Variants in MKX observed in about 807,000 individuals in gnomAD.
MKX encodes the protein homeobox protein Mohawk.
In MKX, 13 loss-of-function variants were observed where a neutral mutation model predicts 36.0. That is an observed-to-expected ratio of 0.36 (90% CI 0.24 to 0.57). The LOEUF (loss-of-function observed/expected upper bound fraction) is 0.57, where lower values mean the gene tolerates loss of function less well. Among genes scored for constraint, MKX ranks in the 20% least tolerant of loss-of-function variants. MKX has a pLI of 0.79. For missense variants in MKX, 458 were observed against 456.4 expected (o/e 1.00, Z -0.03); for synonymous variants, 176 against 178.3 (o/e 0.99, Z 0.10).
Position 27,741,569 on chromosome 10 carries a change from C to G in MKX, c.189-65G>C, listed in dbSNP as rs776179542. 153 of 1,498,186 alleles carry G rather than the reference C, an allele frequency of 1.0e-4. No individual in the cohort carries two copies. The highest frequency in any genetic ancestry group is 1.6e-4 in the Admixed American group (7 of 42,698). 92.8% of individuals were successfully genotyped at this position (1,498,186 alleles called of 1,614,324 possible). A position where few individuals can be genotyped will look rare whatever the true frequency, so the allele number is the denominator to read the frequency against. ...CGTTTGCCCGCCCGGACGCTCCACGCCCCGGCCAAGCCCGGGCCCCGCATC... is the reference window on the plus strand; with the variant it reads ...CGTTTGCCCGCCCGGACGCTCCACGGCCCGGCCAAGCCCGGGCCCCGCATC... On this transcript the variant is annotated intron_variant, in intron 2 of 6. Coordinates refer to ENST00000419761, the MANE Select transcript of MKX (RefSeq NM_173576.3). The surrounding 1 kb of genome is among the most constrained non-coding windows in gnomAD (Gnocchi z 5.1).
rs1462102786 is a variant in MKX, at chr10:27,744,616, T to A, written c.-83+1091A>T. Among the ~76,000 whole-genome samples the A allele has an allele frequency of 6.6e-6, 1 of 151,954 alleles. No homozygotes were observed. Among genetic ancestry groups the A allele is most frequent in the Non-Finnish European group, 1.5e-5 (1 of 67,980 alleles). Reference sequence around the variant, plus strand: ...GCCTCGCGCCTCGGGACAGCTCCCGTTTCCTCCGAGCGGCCTCAGCTTCGC... The same window carrying A: ...GCCTCGCGCCTCGGGACAGCTCCCGATTCCTCCGAGCGGCCTCAGCTTCGC... On this transcript the variant is annotated intron_variant, in intron 1 of 6. Transcript: ENST00000419761. The surrounding 1 kb of genome is among the most constrained non-coding windows in gnomAD (Gnocchi z 5.6).
At chr10:27,701,299 G>C (rs76204010) in intron 5 of MKX, among the ~76,000 whole-genome samples, 3 of 149,666 alleles carry the variant, frequency 2.0e-5, no homozygotes, top group South Asian at 2.1e-4. Flanking sequence ...TGCACATCAC[G>C]GCACGCAGCG....
At chr10:27,727,014 T>C (rs1257551125) in intron 5 of MKX, among the ~76,000 whole-genome samples, 1 of 152,230 alleles carries the variant, frequency 6.6e-6, no homozygotes, top group Non-Finnish European at 1.5e-5. Flanking sequence ...AATATATATA[T>C]ACAAGGCAGT....
chr10:27,735,669 T>C (rs115584359), intron 3 of MKX, among the ~76,000 whole-genome samples: 1 of 152,026 alleles, frequency 6.6e-6, no homozygotes, highest in Non-Finnish European at 1.5e-5. Flanking sequence ...AAATAACTAG[T>C]ATAAGAAAGA....
rs1262931652 is a variant in MKX at position 27,742,238 on chromosome 10, G to A, written c.189-734C>T. On this transcript the variant is annotated intron_variant, in intron 2 of 6. Transcript: ENST00000419761. This position sits in a 1 kb window ranked among gnomAD's most constrained non-coding sequence, Gnocchi z 4.2. ...TTCAAAGGGGGAGGAGGCAGAGGCAGCCAGGAGCCTGGAGCGTGGCCTGGG... is the reference window on the plus strand; with the variant it reads ...TTCAAAGGGGGAGGAGGCAGAGGCAACCAGGAGCCTGGAGCGTGGCCTGGG... 6.6e-6 allele frequency among the ~76,000 whole-genome samples: 1 copy of A among 152,186 alleles called. No individual in the cohort carries two copies. Among genetic ancestry groups the A allele is most frequent in the African/African-American group, 2.4e-5 (1 of 41,472 alleles).
intron 5 of MKX, among the ~76,000 whole-genome samples, chr10:27,719,386 A>G (rs997306730): frequency 1.3e-5 from 2 of 152,146 alleles, no homozygotes; most frequent in African/African-American, 4.8e-5. Context: ...CAGTTACGAG[A>G]CAGCTGTCAG....
At chr10:27,727,167 C>T (rs1834509375) in intron 5 of MKX, among the ~76,000 whole-genome samples, 1 of 152,206 alleles carries the variant, frequency 6.6e-6, no homozygotes, top group Non-Finnish European at 1.5e-5. Flanking sequence ...GAAGCAAACA[C>T]AACCCTAAAA....
intron 5 of MKX, among the ~76,000 whole-genome samples, chr10:27,730,175 C>G (rs1180710487): frequency 6.6e-6 from 1 of 152,148 alleles, no homozygotes; most frequent in African/African-American, 2.4e-5. Context: ...TAACTCTGAT[C>G]AATTGCAATG....
intron 5 of MKX, among the ~76,000 whole-genome samples, chr10:27,733,546 T>C (rs185453725): frequency 1.3e-5 from 2 of 152,338 alleles, no homozygotes; most frequent in African/African-American, 4.8e-5. Flanking sequence ...ACCTACTATG[T>C]GTTCTTGGTC....
chr10:27,697,788 A>G (rs547047464), intron 5 of MKX, among the ~76,000 whole-genome samples: 2 of 152,334 alleles, frequency 1.3e-5, no homozygotes, highest in East Asian at 3.9e-4. Flanking sequence ...AACGAATGGT[A>G]TAGCTCATTG....
At position 27,743,329 on chromosome 10, in the gene MKX, G is replaced by C. The variant is rs1167162953; in HGVS notation, c.87C>G (p.Pro29=). 2 of 1,585,502 alleles carry C rather than the reference G, an allele frequency of 1.3e-6. No homozygotes were observed. Among genetic ancestry groups the C allele is most frequent in the Admixed American group, 1.8e-5 (1 of 55,734 alleles). Reference sequence around the variant, plus strand: ...GAGGACTGTCCAGGACACCGCTGTAGGGCCGGCCACCCCGCTCCCGCTCCG... The same window carrying C: ...GAGGACTGTCCAGGACACCGCTGTACGGCCGGCCACCCCGCTCCCGCTCCG... ...GASERERGGR[P]YSGVLDSPHA... The change falls in exon 2 of 7, where the codon CCC becomes CCG. Residue 29 remains proline, a synonymous_variant. Coordinates refer to ENST00000419761, the MANE Select transcript of MKX (RefSeq NM_173576.3).
rs1173566395 is a variant in MKX, at chr10:27,672,953, AT to A, written c.*2275del. On this transcript the variant is annotated 3_prime_UTR_variant, in exon 7 of 7. Coordinates refer to ENST00000419761, the MANE Select transcript of MKX (RefSeq NM_173576.3). ...ATTAATTTTATTAAAATGATTACATATGGCAAAACAAAGAATAGAGGTAATT... is the reference window on the plus strand; with the variant it reads ...ATTAATTTTATTAAAATGATTACATAGGCAAAACAAAGAATAGAGGTAATT... 6.6e-6 allele frequency: 1 copy of A among 152,250 alleles called. No individual in the cohort carries two copies. The highest frequency in any genetic ancestry group is 1.5e-5 in the Non-Finnish European group (1 of 68,036). 9.4% of individuals were successfully genotyped at this position (152,250 alleles called of 1,614,324 possible).
intron 5 of MKX, among the ~76,000 whole-genome samples, chr10:27,706,713 T>C (rs748030445): frequency 6.6e-5 from 10 of 152,184 alleles, no homozygotes; most frequent in Non-Finnish European, 1.3e-4. Flanking sequence ...TTTGGAAAAA[T>C]GTCTATTCAA....
In MKX at chr10:27,744,152, C is replaced by A. The variant is rs1006320151; in HGVS notation, c.-82-655G>T. Among the ~76,000 whole-genome samples, 2 of 151,974 alleles carry A rather than the reference C, an allele frequency of 1.3e-5. No homozygotes were observed. The highest frequency in any genetic ancestry group is 4.8e-5 in the African/African-American group (2 of 41,376). On this transcript the variant is annotated intron_variant, in intron 1 of 6. Transcript: ENST00000419761. This position sits in a 1 kb window ranked among gnomAD's most constrained non-coding sequence, Gnocchi z 5.6. ...AGGAAAAAGTTAAGTGGCGTCAGGACGAAAGCACCACTTCTCCCCCTTCTC... is the reference window on the plus strand; with the variant it reads ...AGGAAAAAGTTAAGTGGCGTCAGGAAGAAAGCACCACTTCTCCCCCTTCTC...
At position 27,674,113 on chromosome 10, in the gene MKX, C is replaced by T. The variant is rs1836099039; in HGVS notation, c.*1116G>A. On this transcript the variant is annotated 3_prime_UTR_variant, in exon 7 of 7. Coordinates refer to ENST00000419761, the MANE Select transcript of MKX (RefSeq NM_173576.3). ...GACTAATTTAGAAACAAAATGTTTT[C>T]TTTCAATGCATGATTTCACTTCATT... is the stretch of plus-strand genomic sequence containing the variant. The T allele has an allele frequency of 6.6e-6, 1 of 152,144 alleles. No individual in the cohort carries two copies. The highest frequency in any genetic ancestry group is 2.4e-5 in the African/African-American group (1 of 41,442). The allele number at this position is 152,144 out of a possible 1,614,324, so 9.4% of individuals were successfully genotyped here.
At chr10:27,718,404 G>A (rs570926238) in intron 5 of MKX, among the ~76,000 whole-genome samples, 10 of 152,120 alleles carry the variant, frequency 6.6e-5, no homozygotes, top group African/African-American at 9.6e-5. Flanking sequence ...CATTTGTAGC[G>A]CTAGCGAAAA....
At chr10:27,711,141 G>C (rs1836843270) in intron 5 of MKX, among the ~76,000 whole-genome samples, 1 of 152,080 alleles carries the variant, frequency 6.6e-6, no homozygotes, top group Non-Finnish European at 1.5e-5. Context: ...AGATGTGCTA[G>C]AATACCCTGG....
intron 5 of MKX, among the ~76,000 whole-genome samples, chr10:27,728,639 C>T (rs1834548525): frequency 6.6e-6 from 1 of 152,168 alleles, no homozygotes; most frequent in African/African-American, 2.4e-5. Flanking sequence ...TTGTTTAGAA[C>T]AGAATACCTT....
At chr10:27,696,957 G>A (rs1310285293) in intron 5 of MKX, among the ~76,000 whole-genome samples, 1 of 152,154 alleles carries the variant, frequency 6.6e-6, no homozygotes, top group African/African-American at 2.4e-5. Flanking sequence ...GGATCTAACT[G>A]TTATACCCAT....
Sources: allele counts gnomAD v4.1 joint callset (sites outside exome capture counted in the v4.1 genomes callset), GRCh38; gene constraint gnomAD v4.1.1; non-coding constraint Gnocchi (gnomAD v3.1); transcripts MANE v1.5; gene names NCBI Gene and HGNC (gene_info 2026-07-23, HGNC 2026-07-21).